Variants in LRP1B observed in about 807,000 individuals in gnomAD.
LRP1B encodes the protein LDL receptor related protein 1B, also known as low-density lipoprotein receptor-related protein 1B.
LRP1B carries 217 observed loss-of-function variants against 556.6 expected under a neutral mutation model. That is an observed-to-expected ratio of 0.39 (90% CI 0.35 to 0.44). LRP1B has a LOEUF of 0.44. Ranked by LOEUF, LRP1B falls within the 20% of genes least tolerant of loss-of-function variation. The pLI is 1.00. For missense variants in LRP1B, 5,053 were observed against 5,620.8 expected, an observed-to-expected ratio of 0.90 and a Z score of 3.23; for synonymous variants, 2,047 against 1,865.8, an observed-to-expected ratio of 1.10 and a Z score of -2.50.
intron 1 of LRP1B, among the ~76,000 whole-genome samples, chr2:142,052,136 C>A (rs1031292806): frequency 5.9e-5 from 9 of 151,830 alleles, no homozygotes; most frequent in Non-Finnish European, 7.4e-5. Flanking sequence ...TTCAGAGAAC[C>A]AGTTTTCTGA....
At chr2:140,675,728 G>C (rs1685648130) in intron 41 of LRP1B, among the ~76,000 whole-genome samples, 1 of 152,142 alleles carries the variant, frequency 6.6e-6, no homozygotes, top group Admixed American at 6.5e-5. Flanking sequence ...AGTGCACTAT[G>C]ATTGCACCTC....
chr2:141,327,243 T>C (rs1250281143), intron 3 of LRP1B, among the ~76,000 whole-genome samples: 1 of 152,140 alleles, frequency 6.6e-6, no homozygotes, highest in Non-Finnish European at 1.5e-5. Context: ...CTGAAGGACA[T>C]ATGGAGTTTA....
chr2:140,578,340 T>G (rs1247261443), intron 43 of LRP1B, among the ~76,000 whole-genome samples: 3 of 152,196 alleles, frequency 2.0e-5, no homozygotes, highest in African/African-American at 4.8e-5. Flanking sequence ...CCCCTTTTAA[T>G]GAAGTTAACA....
intron 7 of LRP1B, among the ~76,000 whole-genome samples, chr2:141,138,137 T>C (rs563366338): frequency 2.6e-5 from 4 of 151,940 alleles, no homozygotes; most frequent in Non-Finnish European, 5.9e-5. Context: ...TTGTTTTGTA[T>C]TAGAATATCA....
intron 1 of LRP1B, among the ~76,000 whole-genome samples, chr2:141,960,729 G>A (rs938900792): frequency 3.3e-5 from 5 of 151,636 alleles, no homozygotes; most frequent in Non-Finnish European, 5.9e-5. Context: ...TTTGTACTAC[G>A]GACCTGGGAA....
intron 1 of LRP1B, among the ~76,000 whole-genome samples, chr2:142,117,437 C>A (rs1206023873): frequency 6.6e-6 from 1 of 152,092 alleles, no homozygotes; most frequent in Non-Finnish European, 1.5e-5. Context: ...CTAGGGCCAT[C>A]TTTTGCCTGC....
At chr2:141,312,944 G>A (rs1484626899) in intron 3 of LRP1B, among the ~76,000 whole-genome samples, 1 of 152,102 alleles carries the variant, frequency 6.6e-6, no homozygotes, top group African/African-American at 2.4e-5. Context: ...ACCTCCCAAA[G>A]TGCTGGGATT....
intron 83 of LRP1B, among the ~76,000 whole-genome samples, chr2:140,309,653 T>A (rs1684210645): frequency 6.6e-6 from 1 of 151,804 alleles, no homozygotes; most frequent in Non-Finnish European, 1.5e-5. Flanking sequence ...CCTGACAATA[T>A]TTTAATTTCT....
At chr2:141,408,641 G>C (rs1340074322) in intron 3 of LRP1B, among the ~76,000 whole-genome samples, 1 of 151,256 alleles carries the variant, frequency 6.6e-6, no homozygotes, top group East Asian at 1.9e-4. Context: ...TTATCAAGTA[G>C]TTTTTTATTG....
At chr2:140,281,822 T>C (rs554186878) in intron 84 of LRP1B, among the ~76,000 whole-genome samples, 5 of 151,926 alleles carry the variant, frequency 3.3e-5, no homozygotes, top group African/African-American at 4.8e-5. Flanking sequence ...TTCACTGTTA[T>C]ATTTAATTGT....
intron 6 of LRP1B, among the ~76,000 whole-genome samples, chr2:141,203,366 G>GA (rs568207665): frequency 7.8e-4 from 109 of 139,062 alleles, no homozygotes; most frequent in Middle Eastern, 3.6e-3. Flanking sequence ...GAATGGAAAG[G>GA]AAAAAAAAAA....
chr2:141,142,972 A>T (rs1447421761), intron 7 of LRP1B, among the ~76,000 whole-genome samples: 1 of 121,488 alleles, frequency 8.2e-6, no homozygotes, highest in African/African-American at 3.2e-5. Flanking sequence ...GTCGTCGCCC[A>T]GGCTGGAGTT....
At chr2:141,281,402 AAG>A (rs1396309663) in intron 3 of LRP1B, among the ~76,000 whole-genome samples, 7 of 152,058 alleles carry the variant, frequency 4.6e-5, no homozygotes, top group African/African-American at 1.7e-4. Flanking sequence ...AATTCTGGGT[AAG>A]AGTTACAAGA....
chr2:141,270,264 C>A (rs900462724), intron 3 of LRP1B, among the ~76,000 whole-genome samples: 2 of 151,984 alleles, frequency 1.3e-5, no homozygotes, highest in African/African-American at 2.4e-5. Flanking sequence ...TATTATTAAA[C>A]AAAACTAAAC....
chr2:140,360,452 T>C (rs1682454256), intron 72 of LRP1B, among the ~76,000 whole-genome samples: 1 of 151,560 alleles, frequency 6.6e-6, no homozygotes. Flanking sequence ...TTCCATAGCT[T>C]TATCCTATCT....
At chr2:141,167,139 G>T (rs1430722054) in intron 7 of LRP1B, 1 of 151,636 alleles carries the variant, frequency 6.6e-6, no homozygotes, top group African/African-American at 2.4e-5. Flanking sequence ...AATACAAAAA[G>T]CTCCCATAAA....
In LRP1B at chr2:142,130,896, C is replaced by A; in HGVS notation, c.-167G>T. 1 of 674,636 alleles carries A rather than the reference C, an allele frequency of 1.5e-6. No homozygotes were observed. Among genetic ancestry groups the A allele is most frequent in the Non-Finnish European group, 2.7e-6 (1 of 373,204 alleles). The allele number at this position is 674,636 out of a possible 1,614,324, so 41.8% of individuals were successfully genotyped here. The stretch of plus-strand genomic sequence containing the variant: ...AATGAGTCCAGCCAGTCAGCCTTCT[C>A]CTGCCTGGAGCAGGATGTGGAAGGT... On this transcript the variant is annotated 5_prime_UTR_variant, in exon 1 of 91. Coordinates refer to ENST00000389484, the MANE Select transcript of LRP1B (RefSeq NM_018557.3).
intron 7 of LRP1B, among the ~76,000 whole-genome samples, chr2:141,120,897 A>G (rs926409210): frequency 6.6e-6 from 1 of 152,044 alleles, no homozygotes; most frequent in Non-Finnish European, 1.5e-5. Flanking sequence ...TGCACATTGC[A>G]GAGTCCACCA....
chr2:141,002,936 T>C (rs571983554), intron 15 of LRP1B, among the ~76,000 whole-genome samples: 73 of 152,116 alleles, frequency 4.8e-4, no homozygotes, highest in African/African-American at 1.6e-3. Context: ...AATTTTATAA[T>C]AAGTGAAATT....
Sources: gnomAD v4.1 joint callset for allele counts (sites outside exome capture counted in the v4.1 genomes callset) on GRCh38, gnomAD v4.1.1 for gene constraint, MANE v1.5 for transcripts, NCBI Gene and HGNC (gene_info 2026-07-23, HGNC 2026-07-21) for gene names.